NIBAN1: variants seen among roughly 807,000 people sequenced by gnomAD.
NIBAN1 encodes protein Niban 1.
In NIBAN1, 81 loss-of-function variants were observed where a neutral mutation model predicts 75.1. The observed-to-expected ratio is 1.08, with a 90% CI of 0.90 to 1.30. The LOEUF is 1.30. Among genes scored for constraint, NIBAN1 ranks in the 50% most tolerant of loss-of-function variants. The probability of loss-of-function intolerance (pLI) is 0.00; values close to 1 mark genes in which losing one functional copy is unlikely to be tolerated. For missense variants in NIBAN1, 1,133 were observed against 1,128.1 expected, an observed-to-expected ratio of 1.00 and a Z score of -0.06; for synonymous variants, 436 against 424.8, an observed-to-expected ratio of 1.03 and a Z score of -0.32.
chr1:184,919,882 A>G (rs867168542), intron 1 of NIBAN1, among the ~76,000 whole-genome samples: 1 of 151,218 alleles, frequency 6.6e-6, no homozygotes, highest in African/African-American at 2.4e-5. Flanking sequence ...AATCAAAAGT[A>G]CCTTCAAGCA....
chr1:184,960,919 C>T (rs1254553289), intron 1 of NIBAN1, among the ~76,000 whole-genome samples: 1 of 152,026 alleles, frequency 6.6e-6, no homozygotes, highest in African/African-American at 2.4e-5. Flanking sequence ...CGTAAGCCAC[C>T]ACGCTCAGCC....
chr1:184,867,255 A>G (rs1655983487), intron 5 of NIBAN1, among the ~76,000 whole-genome samples: 1 of 152,058 alleles, frequency 6.6e-6, no homozygotes, highest in African/African-American at 2.4e-5. Context: ...CACTTAACGA[A>G]TAGCCTTATT....
Position 184,894,185 on chromosome 1 carries a change from T to C in NIBAN1, c.208A>G (p.Ile70Val). ...KTKPPLAPGTILYEAELSQFS... is the reference protein window; with the variant it reads ...KTKPPLAPGTVLYEAELSQFS... ...TGTGATAGCTCTGCTTCATACAAAA[T>C]AGTTCCAGGCGCCAATGGTGGCTTA... The change falls in exon 3 of 14, where the codon ATT becomes GTT. Residue 70 changes from isoleucine (I) to valine (V), a missense_variant. Coordinates refer to ENST00000367511, the MANE Select transcript of NIBAN1 (RefSeq NM_052966.4). 6.2e-7 allele frequency: 1 copy of C among 1,608,550 alleles called. No individual in the cohort carries two copies. Among genetic ancestry groups the C allele is most frequent in the Non-Finnish European group, 8.5e-7 (1 of 1,178,148 alleles).
intron 1 of NIBAN1, among the ~76,000 whole-genome samples, chr1:184,931,008 T>TTC: frequency 6.8e-6 from 1 of 147,880 alleles, no homozygotes; most frequent in Non-Finnish European, 1.5e-5. Context: ...TTTTTTTTTT[T>TTC]TTTTTTTTTG....
intron 1 of NIBAN1, among the ~76,000 whole-genome samples, chr1:184,914,213 T>G (rs1270006862): frequency 6.6e-6 from 1 of 152,218 alleles, no homozygotes; most frequent in Non-Finnish European, 1.5e-5. Context: ...TACGTATTAA[T>G]TATATGACTT....
intron 1 of NIBAN1, among the ~76,000 whole-genome samples, chr1:184,935,717 T>C (rs924982491): frequency 6.6e-6 from 1 of 151,608 alleles, no homozygotes; most frequent in Non-Finnish European, 1.5e-5. Context: ...CATAGGTACC[T>C]GGGAAAAAGA....
At position 184,818,797 on chromosome 1, in the gene NIBAN1, G is replaced by A; in HGVS notation, c.1014C>T (p.Ser338=). 1 of 1,600,124 alleles carries A rather than the reference G, an allele frequency of 6.2e-7. No homozygotes were observed. The highest frequency in any genetic ancestry group is 8.5e-7 in the Non-Finnish European group (1 of 1,171,140). Residue 338 remains serine, a synonymous_variant, in exon 9 of 14, where the codon AGC becomes AGT. Transcript: ENST00000367511. ...GGAATGGCTGCACACTCTCCAAGCA[G>A]CTTTTCTCCGCCGGCTGGGCCACCA... ...KAMVAQPAEK[S]CLESVQPFLA...
chr1:184,870,015 A>G (rs1333822541), intron 5 of NIBAN1, among the ~76,000 whole-genome samples: 1 of 152,130 alleles, frequency 6.6e-6, no homozygotes, highest in Non-Finnish European at 1.5e-5. Context: ...CGATTCTCTA[A>G]CTCTGAAGGG....
chr1:184,918,007 T>C (rs192376357), intron 1 of NIBAN1, among the ~76,000 whole-genome samples: 93 of 152,302 alleles, frequency 6.1e-4, no homozygotes, highest in African/African-American at 2.0e-3. Context: ...CTCCTACATG[T>C]GTGTTTGCTG....
In NIBAN1 at chr1:184,803,644, C is replaced by T; in HGVS notation, c.1495G>A (p.Ala499Thr). Residue 499 changes from alanine (A) to threonine (T), a missense_variant, in exon 12 of 14, where the codon GCA becomes ACA. Coordinates refer to ENST00000367511, the MANE Select transcript of NIBAN1 (RefSeq NM_052966.4). The part of the protein sequence containing the change: ...STIRKKIFQE[A>T]LVQITLPTVQ... ...GTGGGAAGTGTGATTTGAACTAGTGCCTCTTGAAATATCTTCTTTCGGATG... is the reference window on the plus strand; with the variant it reads ...GTGGGAAGTGTGATTTGAACTAGTGTCTCTTGAAATATCTTCTTTCGGATG... 6.2e-7 allele frequency: 1 copy of T among 1,614,172 alleles called. No individual in the cohort carries two copies. Among genetic ancestry groups the T allele is most frequent in the Non-Finnish European group, 8.5e-7 (1 of 1,180,020 alleles).
chr1:184,833,945 G>T (rs542908768), intron 5 of NIBAN1, among the ~76,000 whole-genome samples: 9 of 151,404 alleles, frequency 5.9e-5, no homozygotes, highest in African/African-American at 2.2e-4. Context: ...TGCCATGCAG[G>T]TTTGCTGCAC....
In NIBAN1 at chr1:184,871,680, T is replaced by A. The variant is rs993302070; in HGVS notation, c.601+12953A>T. Among the ~76,000 whole-genome samples, 7 of 152,336 alleles carry A rather than the reference T, an allele frequency of 4.6e-5. No individual in the cohort carries two copies. In the South Asian group the frequency reaches 1.4e-3, roughly 32 times the overall value. ...CTTTGAAGACACTGATAGAACCTAGTGACCTTAAGCTACCTTTTTCTAGCC... is the reference window on the plus strand; with the variant it reads ...CTTTGAAGACACTGATAGAACCTAGAGACCTTAAGCTACCTTTTTCTAGCC... On this transcript the variant is annotated intron_variant, in intron 5 of 13. Transcript: ENST00000367511.
chr1:184,803,782 C>A, intron 11 of NIBAN1, 90 bp from the exon 12 acceptor site: 1 of 1,031,622 alleles, frequency 9.7e-7, no homozygotes, highest in Non-Finnish European at 1.5e-6. Context: ...CTTCACCTCT[C>A]TTTTCCTCCT....
At chr1:184,834,601 T>A (rs1655088578) in intron 5 of NIBAN1, among the ~76,000 whole-genome samples, 2 of 152,252 alleles carry the variant, frequency 1.3e-5, no homozygotes, top group African/African-American at 4.8e-5. Flanking sequence ...GTTTCTCTGA[T>A]GACCAGTGAT....
At chr1:184,902,640 G>A (rs903841229) in intron 1 of NIBAN1, among the ~76,000 whole-genome samples, 1 of 152,184 alleles carries the variant, frequency 6.6e-6, no homozygotes, top group African/African-American at 2.4e-5. Context: ...ATACAGAAGA[G>A]CTGCCCCACC....
At chr1:184,950,375 T>C (rs186535382) in intron 1 of NIBAN1, among the ~76,000 whole-genome samples, 66 of 152,324 alleles carry the variant, frequency 4.3e-4, no homozygotes, top group African/African-American at 1.5e-3. Flanking sequence ...TATTCCCCAA[T>C]GTAATTTTCT....
chr1:184,962,613 G>C, intron 1 of NIBAN1, among the ~76,000 whole-genome samples: 1 of 152,126 alleles, frequency 6.6e-6, no homozygotes, highest in Admixed American at 6.5e-5. Context: ...GGACAGGAAA[G>C]AAACAGGATG....
chr1:184,927,901 TC>T (rs1330690629), intron 1 of NIBAN1, among the ~76,000 whole-genome samples: 1 of 151,222 alleles, frequency 6.6e-6, no homozygotes, highest in African/African-American at 2.4e-5. Context: ...CCCTCTCCTT[TC>T]CACAAGCAGA....
At chr1:184,899,698 C>T (rs1656896066) in intron 1 of NIBAN1, among the ~76,000 whole-genome samples, 1 of 152,012 alleles carries the variant, frequency 6.6e-6, no homozygotes, top group African/African-American at 2.4e-5. Context: ...ACCTCGCCCT[C>T]TCTCCACTTC....
Sources: allele counts gnomAD v4.1 joint callset (sites outside exome capture counted in the v4.1 genomes callset), GRCh38; gene constraint gnomAD v4.1.1; transcripts MANE v1.5; gene names NCBI Gene and HGNC (gene_info 2026-07-23, HGNC 2026-07-21).